The following PDE3B variants were observed in gnomAD, a reference collection of about 807,000 sequenced individuals.
PDE3B encodes phosphodiesterase 3B.
In PDE3B, 66 loss-of-function variants were observed where a neutral mutation model predicts 116.8. That is an observed-to-expected ratio of 0.56 (90% CI 0.46 to 0.69). The LOEUF is 0.69. Among genes scored for constraint, PDE3B ranks in the 30% least tolerant of loss-of-function variants. The pLI is 0.00. For synonymous variants in PDE3B, 595 were observed against 533.6 expected (o/e 1.12, Z -1.59); for missense variants, 1,384 against 1,368.1 (o/e 1.01, Z -0.18).
chr11:14,664,920 G>T (rs7120890), intron 1 of PDE3B, among the ~76,000 whole-genome samples: 20,039 of 152,088 alleles, frequency 0.13, 1,523 homozygotes, highest in African/African-American at 0.2. Flanking sequence ...CATTTTATGA[G>T]ACCAGCATCA....
At chr11:14,680,578 ATTTGTATGTG>A (rs1854672246) in intron 1 of PDE3B, among the ~76,000 whole-genome samples, 1 of 152,162 alleles carries the variant, frequency 6.6e-6, no homozygotes, top group South Asian at 2.1e-4. Context: ...TTGAATCTTC[ATTTGTATGTG>A]TATATACATG....
chr11:14,890,500 C>A, the PDE3B span: 1 of 716,952 alleles, frequency 1.4e-6, no homozygotes, highest in Non-Finnish European at 1.7e-6. Context: ...GAACGTAAAC[C>A]ATTAGTGACT....
chr11:14,666,714 C>G (rs1443368674), intron 1 of PDE3B, among the ~76,000 whole-genome samples: 1 of 151,436 alleles, frequency 6.6e-6, no homozygotes, highest in African/African-American at 2.4e-5. Flanking sequence ...CAGAGAAATG[C>G]AAATCAAAAC....
At chr11:14,718,419 A>C (rs1263149119) in intron 1 of PDE3B, among the ~76,000 whole-genome samples, 2 of 146,196 alleles carry the variant, frequency 1.4e-5, no homozygotes, top group East Asian at 4.0e-4. Context: ...CACCAAGTGG[A>C]CCTAATAGAC....
At chr11:14,894,362 A>C in the PDE3B span, among the ~76,000 whole-genome samples, 21,172 of 152,066 alleles carry the variant, frequency 0.14, 1,728 homozygotes, top group African/African-American at 0.22. Flanking sequence ...CCAGGAGCTG[A>C]GGAATATCAC....
At chr11:14,742,957 C>G (rs1856811345) in intron 1 of PDE3B, among the ~76,000 whole-genome samples, 1 of 152,150 alleles carries the variant, frequency 6.6e-6, no homozygotes, top group African/African-American at 2.4e-5. Flanking sequence ...CAGAGGGGCT[C>G]TCACTAGATG....
intron 13 of PDE3B, among the ~76,000 whole-genome samples, chr11:14,860,375 AT>A (rs563544584): frequency 0.026 from 3,895 of 149,488 alleles, 172 homozygotes; most frequent in African/African-American, 0.091. Flanking sequence ...CTACATATAT[AT>A]TTTTTTTTTT....
chr11:14,709,732 T>A (rs968354052), intron 1 of PDE3B, among the ~76,000 whole-genome samples: 5 of 152,212 alleles, frequency 3.3e-5, no homozygotes, highest in African/African-American at 1.2e-4. Context: ...AATAGGTTTA[T>A]TTCCCCTTTA....
At chr11:14,679,829 A>G (rs1339529511) in intron 1 of PDE3B, among the ~76,000 whole-genome samples, 2 of 151,992 alleles carry the variant, frequency 1.3e-5, no homozygotes, top group Admixed American at 1.3e-4. Context: ...CTATCACTAC[A>G]GTTCACGGAA....
chr11:14,713,467 C>T (rs1421850753), intron 1 of PDE3B, among the ~76,000 whole-genome samples: 1 of 152,160 alleles, frequency 6.6e-6, no homozygotes, highest in Non-Finnish European at 1.5e-5. Context: ...CAAACTGGGA[C>T]ATTGGCTTTT....
intron 14 of PDE3B, 111 bp downstream of exon 14, chr11:14,861,477 T>G: frequency 1.1e-6 from 1 of 946,752 alleles, no homozygotes. Context: ...TTGCTTTGAC[T>G]GGGAAGGGTT....
At chr11:14,835,445 A>AT (rs60953633) in intron 11 of PDE3B, among the ~76,000 whole-genome samples, 3 of 150,806 alleles carry the variant, frequency 2.0e-5, no homozygotes, top group South Asian at 2.1e-4. Flanking sequence ...TTTAAAAAAA[A>AT]TTTTTTTTTT....
At chr11:14,795,629 G>A (rs1335109973) in intron 4 of PDE3B, among the ~76,000 whole-genome samples, 1 of 152,194 alleles carries the variant, frequency 6.6e-6, no homozygotes. Flanking sequence ...GAAGACAGTG[G>A]AGCAGTGCTG....
At chr11:14,659,238 G>A (rs1853813191) in intron 1 of PDE3B, among the ~76,000 whole-genome samples, 1 of 152,178 alleles carries the variant, frequency 6.6e-6, no homozygotes, top group African/African-American at 2.4e-5. Context: ...GATAATTTGA[G>A]GTGAGGTCAT....
intron 1 of PDE3B, chr11:14,674,429 A>C: frequency 6.2e-6 from 4 of 640,302 alleles, no homozygotes; most frequent in Non-Finnish European, 1.2e-5. Flanking sequence ...TAATGTATAA[A>C]GTATTTCACT....
At chr11:14,781,745 C>A (rs1217103435) in intron 2 of PDE3B, among the ~76,000 whole-genome samples, 1 of 152,056 alleles carries the variant, frequency 6.6e-6, no homozygotes, top group African/African-American at 2.4e-5. Context: ...CTTTGAAAAA[C>A]AGCACAAGAC....
intron 1 of PDE3B, among the ~76,000 whole-genome samples, chr11:14,738,495 T>C (rs1389293183): frequency 6.6e-6 from 1 of 152,244 alleles, no homozygotes; most frequent in Non-Finnish European, 1.5e-5. Flanking sequence ...TTAAGTTCTT[T>C]GTAGATTCTG....
intron 2 of PDE3B, among the ~76,000 whole-genome samples, chr11:14,778,985 G>T (rs1857882249): frequency 6.6e-6 from 1 of 152,204 alleles, no homozygotes; most frequent in Non-Finnish European, 1.5e-5. Context: ...TAAATGACCT[G>T]TTGGAGCTGA....
intron 1 of PDE3B, among the ~76,000 whole-genome samples, chr11:14,759,610 G>A (rs1262257534): frequency 1.3e-5 from 2 of 149,906 alleles, no homozygotes; most frequent in African/African-American, 2.5e-5. Flanking sequence ...GTGCAGTGGC[G>A]TGGTCTCGGC....
Sources: allele counts gnomAD v4.1 joint callset (sites outside exome capture counted in the v4.1 genomes callset), GRCh38; gene constraint gnomAD v4.1.1; transcripts MANE v1.5; gene names NCBI Gene and HGNC (gene_info 2026-07-23, HGNC 2026-07-21).